The following PIK3CA variants were observed in gnomAD, a reference collection of about 807,000 sequenced individuals.
The protein encoded by PIK3CA is phosphatidylinositol-4,5-bisphosphate 3-kinase catalytic subunit alpha.
PIK3CA carries 27 observed loss-of-function variants against 138.2 expected under a neutral mutation model. That is an observed-to-expected ratio of 0.20 (90% CI 0.14 to 0.27). The LOEUF is 0.27. Ranked by LOEUF, PIK3CA falls within the 10% of genes least tolerant of loss-of-function variation. The probability of loss-of-function intolerance (pLI) is 1.00; values close to 1 mark genes in which losing one functional copy is unlikely to be tolerated. For synonymous variants in PIK3CA, 358 were observed against 413.2 expected (o/e 0.87, Z 1.62); for missense variants, 544 against 1,277.4 (o/e 0.43, Z 8.75).
chr3:179,161,490 A>T (rs1054536904), intron 1 of PIK3CA, among the ~76,000 whole-genome samples: 41 of 152,026 alleles, frequency 2.7e-4, no homozygotes, highest in African/African-American at 9.2e-4. Context: ...TGAGGTCAGG[A>T]GTTTAAGACC....
intron 1 of PIK3CA, among the ~76,000 whole-genome samples, chr3:179,149,046 C>T (rs1178436763): frequency 6.6e-6 from 1 of 152,130 alleles, no homozygotes; most frequent in Admixed American, 6.5e-5. Flanking sequence ...TCTTGAGGGG[C>T]TGTCACGCCC....
chr3:179,222,155 T>C (rs559282387), intron 14 of PIK3CA, among the ~76,000 whole-genome samples: 2 of 152,070 alleles, frequency 1.3e-5, no homozygotes, highest in South Asian at 4.2e-4. Context: ...AATCGTATAT[T>C]AGTGAGTCCC....
intron 1 of PIK3CA, among the ~76,000 whole-genome samples, chr3:179,153,283 T>TTA (rs1236331090): frequency 1.3e-5 from 2 of 152,160 alleles, no homozygotes; most frequent in Admixed American, 6.5e-5. Flanking sequence ...TAATATTGTG[T>TTA]TATATATATC....
At chr3:179,216,605 T>C (rs1724841716) in intron 9 of PIK3CA, among the ~76,000 whole-genome samples, 1 of 152,164 alleles carries the variant, frequency 6.6e-6, no homozygotes, top group Non-Finnish European at 1.5e-5. Flanking sequence ...AGATGGCCTT[T>C]CCTTCAACAG....
chr3:179,180,859 T>C (rs971739061), intron 1 of PIK3CA, among the ~76,000 whole-genome samples: 6 of 152,172 alleles, frequency 3.9e-5, no homozygotes, highest in African/African-American at 4.8e-5. Context: ...TTAATGAAGA[T>C]GTTTTAAGAT....
At chr3:179,228,056 T>C (rs1725123971) in intron 17 of PIK3CA, among the ~76,000 whole-genome samples, 1 of 152,090 alleles carries the variant, frequency 6.6e-6, no homozygotes, top group African/African-American at 2.4e-5. Context: ...AGACATTTTC[T>C]TGAAAATGAA....
intron 1 of PIK3CA, among the ~76,000 whole-genome samples, chr3:179,187,730 C>T (rs1006445339): frequency 2.6e-5 from 4 of 151,010 alleles, no homozygotes; most frequent in Non-Finnish European, 4.4e-5. Flanking sequence ...CTCCACCTCC[C>T]GGGTTCAAGC....
intron 1 of PIK3CA, among the ~76,000 whole-genome samples, chr3:179,170,349 T>C (rs978924408): frequency 6.6e-6 from 1 of 152,126 alleles, no homozygotes; most frequent in Non-Finnish European, 1.5e-5. Context: ...TCACTCACAT[T>C]CTCCCCAAAG....
intron 4 of PIK3CA, 127 bp downstream of exon 4, chr3:179,201,667 G>A (rs564218634): frequency 4.3e-5 from 26 of 605,388 alleles, no homozygotes; most frequent in African/African-American, 1.6e-4. Flanking sequence ...GTGCAGTGGC[G>A]CGATCTCGGC....
chr3:179,224,199 G>T lies in PIK3CA; in HGVS notation c.2294+12G>T, dbSNP rs2108417059. On this transcript the variant is annotated intron_variant, in intron 15 of 20. Coordinates refer to ENST00000263967, the MANE Select transcript of PIK3CA (RefSeq NM_006218.4). ...CTAGGAAACCTCAGGTACTTTCTTG[G>T]GGGTTTCATTGATATATTTAAATAA... The T allele has an allele frequency of 7.6e-7, 1 of 1,317,870 alleles. No homozygotes were observed. Among genetic ancestry groups the T allele is most frequent in the South Asian group, 1.3e-5 (1 of 75,794 alleles). The allele number at this position is 1,317,870 out of a possible 1,614,324, so 81.6% of individuals were successfully genotyped here. A position where few individuals can be genotyped will look rare whatever the true frequency, so the allele number is the denominator to read the frequency against.
chr3:179,178,242 C>T (rs1423848286), intron 1 of PIK3CA, among the ~76,000 whole-genome samples: 5 of 132,356 alleles, frequency 3.8e-5, no homozygotes, highest in African/African-American at 8.8e-5. Flanking sequence ...TGACCAAGTG[C>T]GACCTTGTCT....
intron 1 of PIK3CA, among the ~76,000 whole-genome samples, chr3:179,159,606 A>G (rs1382221477): frequency 6.6e-6 from 1 of 152,210 alleles, no homozygotes; most frequent in Non-Finnish European, 1.5e-5. Context: ...TTAATACAGT[A>G]GAATCTCACC....
chr3:179,238,612 A>C lies in PIK3CA; in HGVS notation c.*4248A>C. The C allele has an allele frequency of 4.5e-6, 1 of 222,784 alleles. No individual in the cohort carries two copies. The allele number at this position is 222,784 out of a possible 1,614,324, so 13.8% of individuals were successfully genotyped here. On this transcript the variant is annotated 3_prime_UTR_variant, in exon 21 of 21. Coordinates refer to ENST00000263967, the MANE Select transcript of PIK3CA (RefSeq NM_006218.4). ...TGCCTTGTTTTTAATGATATGGAAG[A>C]CCTTAAGAAAAAAACTTGGCTGAAG... is the stretch of plus-strand genomic sequence containing the variant.
chr3:179,153,078 A>G (rs1420531746), intron 1 of PIK3CA, among the ~76,000 whole-genome samples: 1 of 152,128 alleles, frequency 6.6e-6, no homozygotes. Flanking sequence ...TGTTCACCAA[A>G]CCTTAAAATT....
At chr3:179,182,570 A>C (rs1221922303) in intron 1 of PIK3CA, among the ~76,000 whole-genome samples, 1 of 152,082 alleles carries the variant, frequency 6.6e-6, no homozygotes, top group South Asian at 2.1e-4. Context: ...CTACTCGTGA[A>C]GCTGAGGCAG....
At chr3:179,216,971 T>C (rs1305468340) in intron 9 of PIK3CA, among the ~76,000 whole-genome samples, 1 of 152,136 alleles carries the variant, frequency 6.6e-6, no homozygotes, top group Non-Finnish European at 1.5e-5. Context: ...AATCAAATCA[T>C]GGTATTCATT....
chr3:179,194,398 G>GT (rs1016070365), intron 1 of PIK3CA, among the ~76,000 whole-genome samples: 4 of 151,964 alleles, frequency 2.6e-5, no homozygotes, highest in Admixed American at 6.6e-5. Context: ...TAATTTGTTT[G>GT]TTTTTTTGTA....
At chr3:179,170,340 C>CA (rs1209876635) in intron 1 of PIK3CA, among the ~76,000 whole-genome samples, 2 of 152,214 alleles carry the variant, frequency 1.3e-5, no homozygotes, top group South Asian at 4.1e-4. Context: ...CCTGACCACT[C>CA]ACTCACATTC....
At chr3:179,192,261 G>A (rs922549096) in intron 1 of PIK3CA, among the ~76,000 whole-genome samples, 1 of 152,158 alleles carries the variant, frequency 6.6e-6, no homozygotes, top group African/African-American at 2.4e-5. Context: ...AAAAGACCCA[G>A]GGGAAATTCT....
Sources: allele counts gnomAD v4.1 joint callset (sites outside exome capture counted in the v4.1 genomes callset), GRCh38; gene constraint gnomAD v4.1.1; transcripts MANE v1.5; gene names NCBI Gene and HGNC (gene_info 2026-07-23, HGNC 2026-07-21).